CDKAL1: variants seen among roughly 807,000 people sequenced by gnomAD.
CDKAL1 encodes the protein threonylcarbamoyladenosine tRNA methylthiotransferase.
In CDKAL1, 32 loss-of-function variants were observed where a neutral mutation model predicts 68.2. The ratio of observed to expected loss-of-function variants is 0.47; its 90% confidence interval spans 0.35 to 0.63. CDKAL1 has a LOEUF of 0.63. Ranked by LOEUF, CDKAL1 falls within the 30% of genes least tolerant of loss-of-function variation. The pLI is 0.00. For synonymous variants in CDKAL1, 234 were observed against 244.3 expected, an observed-to-expected ratio of 0.96 and a Z score of 0.39; for missense variants, 606 against 696.7, an observed-to-expected ratio of 0.87 and a Z score of 1.47.
rs78337642 is a variant in CDKAL1, at chr6:20,674,078, T to C, written c.371+24701T>C. ...ATATATAAAGGCTATTATTCCTATA[T>C]GTTCATTTTATATTGTCTTACTGAA... On this transcript the variant is annotated intron_variant, in intron 5 of 15. Coordinates refer to ENST00000274695, the MANE Select transcript of CDKAL1 (RefSeq NM_017774.3). Among the ~76,000 whole-genome samples, 81 of 152,274 alleles carry C rather than the reference T, an allele frequency of 5.3e-4. 1 individual carries two copies. Among genetic ancestry groups the C allele is most frequent in the Middle Eastern group, 3.4e-3 (1 of 294 alleles).
At chr6:20,624,151 A>G (rs714830) in intron 4 of CDKAL1, among the ~76,000 whole-genome samples, 20,075 of 152,050 alleles carry the variant, frequency 0.13, 1,692 homozygotes, top group South Asian at 0.24. Context: ...TTTGTTTTCA[A>G]AATTTATGAG....
At chr6:21,065,998 A>G (rs976082862) in intron 12 of CDKAL1, among the ~76,000 whole-genome samples, 9 of 151,726 alleles carry the variant, frequency 5.9e-5, no homozygotes, top group Admixed American at 4.6e-4. Flanking sequence ...AATTACCGCA[A>G]TTACTTTTGC....
At chr6:21,016,635 T>C (rs1768353305) in intron 11 of CDKAL1, among the ~76,000 whole-genome samples, 1 of 151,142 alleles carries the variant, frequency 6.6e-6, no homozygotes. Context: ...CATCCATCCA[T>C]CCATCCATCC....
intron 12 of CDKAL1, among the ~76,000 whole-genome samples, chr6:21,086,431 G>C (rs2150963476): frequency 6.6e-6 from 1 of 152,170 alleles, no homozygotes; most frequent in Non-Finnish European, 1.5e-5. Context: ...CTTTTAACTG[G>C]CGCTACAACT....
intron 9 of CDKAL1, among the ~76,000 whole-genome samples, chr6:20,946,839 C>T (rs182492523): frequency 1.4e-4 from 21 of 152,156 alleles, no homozygotes; most frequent in African/African-American, 4.3e-4. Context: ...TCAGGTGATC[C>T]GCCCACCTCA....
chr6:20,914,273 G>A (rs9460576), intron 9 of CDKAL1, among the ~76,000 whole-genome samples: 16,195 of 152,130 alleles, frequency 0.11, 960 homozygotes, highest in African/African-American at 0.14. Flanking sequence ...CTGGGTGACA[G>A]AGTGAGACTC....
intron 9 of CDKAL1, among the ~76,000 whole-genome samples, chr6:20,914,861 A>G (rs1581821077): frequency 6.6e-6 from 1 of 152,184 alleles, no homozygotes; most frequent in African/African-American, 2.4e-5. Context: ...AAATTTGAAT[A>G]TCAGTTGTAT....
At chr6:20,942,406 T>C (rs1764019019) in intron 9 of CDKAL1, among the ~76,000 whole-genome samples, 1 of 147,910 alleles carries the variant, frequency 6.8e-6, no homozygotes, top group Non-Finnish European at 1.5e-5. Flanking sequence ...TCGCTATTTT[T>C]GCCCAGGTTG....
In CDKAL1 at chr6:20,541,665, C is replaced by CT. The variant is rs111616577; in HGVS notation, c.-5-4669dup. The stretch of plus-strand genomic sequence containing the variant: ...GAAAGGGAAGTCTGTGATTGACAGT[C>CT]TTTTTTTTTTTTGAGACAGAGTTTC... On this transcript the variant is annotated intron_variant, in intron 2 of 15. Transcript: ENST00000274695. 8.3e-4 allele frequency among the ~76,000 whole-genome samples: 121 copies of CT among 145,910 alleles called. 1 individual carries two copies. Among genetic ancestry groups the CT allele is most frequent in the Middle Eastern group, 7.1e-3 (2 of 282 alleles).
At chr6:21,000,087 G>T in intron 10 of CDKAL1, 140 bp from the exon 11 acceptor site, 1 of 562,120 alleles carries the variant, frequency 1.8e-6, no homozygotes, top group Non-Finnish European at 3.1e-6. Flanking sequence ...ATTACCAACT[G>T]ATGTTCACTT....
chr6:20,707,054 T>C (rs550739045), intron 5 of CDKAL1, among the ~76,000 whole-genome samples: 6 of 152,344 alleles, frequency 3.9e-5, no homozygotes, highest in African/African-American at 1.4e-4. Context: ...TTATTTCCTA[T>C]TGTGGTTTGT....
chr6:20,825,070 A>C (rs72832365), intron 8 of CDKAL1, among the ~76,000 whole-genome samples: 3,562 of 152,182 alleles, frequency 0.023, 57 homozygotes, highest in Non-Finnish European at 0.033. Flanking sequence ...GCATGTGCCA[A>C]ATCCCGACTC....
At chr6:20,764,023 T>C (rs146000705) in intron 7 of CDKAL1, among the ~76,000 whole-genome samples, 2 of 152,236 alleles carry the variant, frequency 1.3e-5, no homozygotes, top group African/African-American at 4.8e-5. Flanking sequence ...CATTTCCGTC[T>C]TTTAAAAATA....
chr6:20,829,014 ATTTCATTTTTTAAG>A (rs1777610298), intron 8 of CDKAL1, among the ~76,000 whole-genome samples: 1 of 152,154 alleles, frequency 6.6e-6, no homozygotes, highest in Non-Finnish European at 1.5e-5. Context: ...AACATGTCAC[ATTTCATTTTTTAAG>A]GCTGAATAAG....
intron 10 of CDKAL1, among the ~76,000 whole-genome samples, chr6:20,957,008 TAAAAAA>T (rs70990087): frequency 7.0e-5 from 8 of 113,836 alleles, no homozygotes; most frequent in East Asian, 2.5e-4. Context: ...TGATTCTCTG[TAAAAAA>T]AAAAAAAAAA....
At chr6:21,049,004 C>A (rs1219536942) in intron 11 of CDKAL1, among the ~76,000 whole-genome samples, 1 of 151,638 alleles carries the variant, frequency 6.6e-6, no homozygotes, top group Non-Finnish European at 1.5e-5. Context: ...ATGATTTCAC[C>A]CACTTTATCT....
chr6:21,060,284 A>C (rs1469380708), intron 11 of CDKAL1, among the ~76,000 whole-genome samples: 1 of 152,150 alleles, frequency 6.6e-6, no homozygotes, highest in African/African-American at 2.4e-5. Context: ...CATAATTTAT[A>C]TCTTTCAAAG....
At chr6:20,760,094 G>T (rs1774397560) in intron 7 of CDKAL1, among the ~76,000 whole-genome samples, 1 of 151,712 alleles carries the variant, frequency 6.6e-6, no homozygotes, top group South Asian at 2.1e-4. Flanking sequence ...ATGAGAATAT[G>T]AGAATGAGAC....
chr6:20,793,711 T>C (rs1775994400), intron 8 of CDKAL1, among the ~76,000 whole-genome samples: 1 of 151,002 alleles, frequency 6.6e-6, no homozygotes, highest in Non-Finnish European at 1.5e-5. Flanking sequence ...GTATGGTAGA[T>C]ATTCAAGGAT....
Sources: allele counts gnomAD v4.1 joint callset (sites outside exome capture counted in the v4.1 genomes callset), GRCh38; gene constraint gnomAD v4.1.1; transcripts MANE v1.5; gene names NCBI Gene and HGNC (gene_info 2026-07-23, HGNC 2026-07-21).